MLLT10: variants seen among roughly 807,000 people sequenced by gnomAD.
The protein encoded by MLLT10 is protein AF-10.
MLLT10 carries 30 observed loss-of-function variants against 129.1 expected under a neutral mutation model. That is an observed-to-expected ratio of 0.23 (90% confidence interval 0.17 to 0.32). The LOEUF (loss-of-function observed/expected upper bound fraction) is 0.32. Among genes scored for constraint, MLLT10 ranks in the 10% least tolerant of loss-of-function variants. MLLT10 has a pLI of 1.00. For missense variants in MLLT10, 1,119 were observed against 1,268.3 expected (o/e 0.88, Z 1.79); for synonymous variants, 490 against 446.4 (o/e 1.10, Z -1.23).
chr10:21,599,897 TA>T lies in MLLT10; in HGVS notation c.405+4458del, dbSNP rs746659047. On this transcript the variant is annotated intron_variant, in intron 5 of 22. Coordinates refer to ENST00000307729, the MANE Select transcript of MLLT10 (RefSeq NM_001195626.3). ...CCATCTTGTGGCTTTAAGACTAAAATAGTTCAAGTAGAAAAGGAGCAAAGGT... is the reference window on the plus strand; with the variant it reads ...CCATCTTGTGGCTTTAAGACTAAAATGTTCAAGTAGAAAAGGAGCAAAGGT... Among the ~76,000 whole-genome samples the T allele has an allele frequency of 2.6e-5, 4 of 152,242 alleles. No homozygotes were observed. The East Asian group carries it at 7.7e-4, about 29-fold the overall frequency.
At chr10:21,669,549 A>G (rs918500877) in intron 9 of MLLT10, among the ~76,000 whole-genome samples, 1 of 152,216 alleles carries the variant, frequency 6.6e-6, no homozygotes, top group African/African-American at 2.4e-5. Context: ...AGTGCCGATT[A>G]TGTAGCAAGC....
chr10:21,625,413 C>G, intron 8 of MLLT10: 2 of 834,186 alleles, frequency 2.4e-6, no homozygotes, highest in Admixed American at 3.7e-5. Context: ...TCGTCTGTGC[C>G]CAAGTTTCTC....
At chr10:21,659,512 C>CTT (rs1432253622) in intron 9 of MLLT10, among the ~76,000 whole-genome samples, 4 of 139,908 alleles carry the variant, frequency 2.9e-5, no homozygotes, top group African/African-American at 7.8e-5. Context: ...TACTCTTAAT[C>CTT]TTTTTTTTTT....
intron 3 of MLLT10, among the ~76,000 whole-genome samples, chr10:21,586,051 C>T (rs769657265): frequency 1.6e-4 from 25 of 152,268 alleles, no homozygotes; most frequent in African/African-American, 4.8e-4. Context: ...CCTGAGCCAC[C>T]GCGCCTGGCC....
chr10:21,651,436 G>A (rs538789377), intron 8 of MLLT10, among the ~76,000 whole-genome samples: 1 of 152,250 alleles, frequency 6.6e-6, no homozygotes, highest in East Asian at 1.9e-4. Context: ...AATAATTACA[G>A]ACTTCAGTTG....
At chr10:21,676,347 G>A (rs2052106754) in intron 11 of MLLT10, among the ~76,000 whole-genome samples, 1 of 151,790 alleles carries the variant, frequency 6.6e-6, no homozygotes, top group Non-Finnish European at 1.5e-5. Context: ...GAACCTGAGA[G>A]GCAGAGCTCG....
At chr10:21,553,661 T>G (rs1401620779) in intron 3 of MLLT10, among the ~76,000 whole-genome samples, 1 of 151,496 alleles carries the variant, frequency 6.6e-6, no homozygotes, top group Admixed American at 6.6e-5. Flanking sequence ...CTTTTCTTTT[T>G]TTTTTTTTCA....
chr10:21,598,820 G>T lies in MLLT10; in HGVS notation c.405+3380G>T, dbSNP rs553973206. Among the ~76,000 whole-genome samples the T allele has an allele frequency of 1.8e-4, 28 of 151,774 alleles. No individual in the cohort carries two copies. The South Asian group carries it at 5.8e-3, about 32-fold the overall frequency. ...ATCACTTGAGTCCTGGAGGCAGAGA[G>T]GGTGCAGTGAGCCAAGATCACACCA... is the stretch of plus-strand genomic sequence containing the variant. On this transcript the variant is annotated intron_variant, in intron 5 of 22. Coordinates refer to ENST00000307729, the MANE Select transcript of MLLT10 (RefSeq NM_001195626.3).
chr10:21,670,417 T>C (rs2051275047), intron 9 of MLLT10, 32 bp from the exon 10 acceptor site: 1 of 1,573,774 alleles, frequency 6.4e-7, no homozygotes, highest in African/African-American at 1.4e-5. Flanking sequence ...TAATCAACTC[T>C]TTTTCCTTCC....
At chr10:21,563,604 G>A (rs2039137789) in intron 3 of MLLT10, among the ~76,000 whole-genome samples, 1 of 152,024 alleles carries the variant, frequency 6.6e-6, no homozygotes, top group African/African-American at 2.4e-5. Context: ...CCTCCAGGTT[G>A]TTGCTTAGTA....
At chr10:21,712,761 T>A (rs1214901327) in intron 13 of MLLT10, among the ~76,000 whole-genome samples, 1 of 152,232 alleles carries the variant, frequency 6.6e-6, no homozygotes, top group East Asian at 1.9e-4. Flanking sequence ...CCCTCCAGGC[T>A]TGATAACTAA....
At chr10:21,710,895 A>AGTTGCT (rs2056019137) in intron 13 of MLLT10, among the ~76,000 whole-genome samples, 1 of 152,186 alleles carries the variant, frequency 6.6e-6, no homozygotes, top group Non-Finnish European at 1.5e-5. Context: ...CACTGCTTTC[A>AGTTGCT]GTTGCTGTTC....
At chr10:21,588,833 T>C (rs1009648348) in intron 4 of MLLT10, among the ~76,000 whole-genome samples, 1 of 151,504 alleles carries the variant, frequency 6.6e-6, no homozygotes, top group Non-Finnish European at 1.5e-5. Context: ...TTTCTTTTTT[T>C]TTTTTTTTGA....
chr10:21,622,971 G>T (rs1346698025), intron 8 of MLLT10, among the ~76,000 whole-genome samples: 2 of 152,146 alleles, frequency 1.3e-5, no homozygotes, highest in Non-Finnish European at 2.9e-5. Context: ...CAGAACTCCA[G>T]AACACTATTT....
At chr10:21,717,677 TTCCTCCTCCTCC>T (rs1218411767) in intron 14 of MLLT10, among the ~76,000 whole-genome samples, 11 of 19,570 alleles carry the variant, frequency 5.6e-4, no homozygotes, top group African/African-American at 8.9e-4. Flanking sequence ...CCTCCTCCTC[TTCCTCCTCCTCC>T]TCCTCCTCCT....
intron 11 of MLLT10, among the ~76,000 whole-genome samples, chr10:21,679,060 TTAGAG>T (rs1191106173): frequency 2.6e-5 from 4 of 152,216 alleles, no homozygotes; most frequent in Non-Finnish European, 5.9e-5. Context: ...GTAGATCAAA[TTAGAG>T]TAGAAGCCTA....
In MLLT10 at chr10:21,742,086, A is replaced by G. The variant is rs1341910250; in HGVS notation, c.*103A>G. The G allele has an allele frequency of 1.0e-6, 1 of 978,360 alleles. No individual in the cohort carries two copies. Among genetic ancestry groups the G allele is most frequent in the African/African-American group, 1.6e-5 (1 of 60,998 alleles). The allele number at this position is 978,360 out of a possible 1,614,324, so 60.6% of individuals were successfully genotyped here. ...CAGCTATGAAGAAACGCAACAAGAA[A>G]CTCAATGCACAACAAAGGATTAATT... On this transcript the variant is annotated 3_prime_UTR_variant, in exon 23 of 23. Transcript: ENST00000307729.
chr10:21,585,157 C>T (rs900109735), intron 3 of MLLT10, among the ~76,000 whole-genome samples: 12 of 151,916 alleles, frequency 7.9e-5, no homozygotes, highest in African/African-American at 1.9e-4. Flanking sequence ...CCCCTGGGCT[C>T]AAGCGATCTA....
At chr10:21,688,601 T>C in intron 13 of MLLT10, 1 of 1,446,920 alleles carries the variant, frequency 6.9e-7, no homozygotes, top group Non-Finnish European at 9.6e-7. Flanking sequence ...TATTGTAGCT[T>C]GGAAACCTTC....
Sources: allele counts gnomAD v4.1 joint callset (sites outside exome capture counted in the v4.1 genomes callset), GRCh38; gene constraint gnomAD v4.1.1; transcripts MANE v1.5; gene names NCBI Gene and HGNC (gene_info 2026-07-23, HGNC 2026-07-21).